The following CCDC6 variants were observed in gnomAD, a reference collection of about 807,000 sequenced individuals.
The protein encoded by CCDC6 is coiled-coil domain containing 6.
Under a neutral mutation model 56.6 loss-of-function variants are expected in CCDC6, and 20 were observed. The observed-to-expected ratio is 0.35, with a 90% confidence interval of 0.25 to 0.51. The LOEUF (loss-of-function observed/expected upper bound fraction) is 0.51, where lower values mean the gene tolerates loss of function less well. CCDC6 is among the 20% of genes least tolerant of loss of function. The pLI is 0.95. For synonymous variants in CCDC6, 241 were observed against 234.4 expected (o/e 1.03, Z -0.26); for missense variants, 367 against 601.1 (o/e 0.61, Z 4.07).
intron 1 of CCDC6, among the ~76,000 whole-genome samples, chr10:59,853,560 A>G (rs1262584800): frequency 6.6e-6 from 1 of 152,142 alleles, no homozygotes; most frequent in Non-Finnish European, 1.5e-5. Flanking sequence ...TAAAAAATAA[A>G]AGGCATTACA....
intron 1 of CCDC6, among the ~76,000 whole-genome samples, chr10:59,889,046 G>A (rs1286401133): frequency 6.6e-6 from 1 of 151,888 alleles, no homozygotes; most frequent in Non-Finnish European, 1.5e-5. Context: ...TGAATATCAG[G>A]GGACCCACGC....
chr10:59,865,852 C>CAAAA (rs777021321), intron 1 of CCDC6, among the ~76,000 whole-genome samples: 37 of 56,960 alleles, frequency 6.5e-4, no homozygotes, highest in South Asian at 1.7e-3. Flanking sequence ...TCCATCTCCA[C>CAAAA]AAAAAAAAAA....
chr10:59,899,966 G>C (rs2071492798), intron 1 of CCDC6, among the ~76,000 whole-genome samples: 1 of 152,196 alleles, frequency 6.6e-6, no homozygotes, highest in Admixed American at 6.5e-5. Flanking sequence ...AGTGTTTGCT[G>C]TTGTGGCAGG....
intron 1 of CCDC6, among the ~76,000 whole-genome samples, chr10:59,883,480 C>T (rs1282378331): frequency 6.6e-6 from 1 of 152,210 alleles, no homozygotes; most frequent in Non-Finnish European, 1.5e-5. Flanking sequence ...CATCATCTCC[C>T]TCTCGCACTG....
At chr10:59,833,937 C>CA (rs1285932632) in intron 2 of CCDC6, among the ~76,000 whole-genome samples, 1 of 152,124 alleles carries the variant, frequency 6.6e-6, no homozygotes, top group Non-Finnish European at 1.5e-5. Flanking sequence ...CCCAGAACCC[C>CA]AAACCAGTGC....
At chr10:59,835,530 C>A (rs1028505514) in intron 2 of CCDC6, among the ~76,000 whole-genome samples, 13 of 152,194 alleles carry the variant, frequency 8.5e-5, no homozygotes, top group African/African-American at 2.9e-4. Context: ...AGTAAGGTCA[C>A]TGGGTTACAC....
At chr10:59,846,424 A>G (rs1331653433) in intron 2 of CCDC6, among the ~76,000 whole-genome samples, 1 of 152,180 alleles carries the variant, frequency 6.6e-6, no homozygotes, top group Non-Finnish European at 1.5e-5. Context: ...TTTTGCCCAC[A>G]ACTTCCTTCC....
chr10:59,827,602 G>A (rs967630996), intron 3 of CCDC6, among the ~76,000 whole-genome samples: 1 of 152,156 alleles, frequency 6.6e-6, no homozygotes, highest in Non-Finnish European at 1.5e-5. Flanking sequence ...ACCCAGGGAA[G>A]TTTCCCTAAA....
chr10:59,892,024 C>T (rs963947077), intron 1 of CCDC6, among the ~76,000 whole-genome samples: 3 of 152,194 alleles, frequency 2.0e-5, no homozygotes, highest in Non-Finnish European at 2.9e-5. Flanking sequence ...CAGGGGTTGT[C>T]CTTCCATCAT....
intron 7 of CCDC6, among the ~76,000 whole-genome samples, chr10:59,797,322 T>C (rs2070529167): frequency 6.6e-6 from 1 of 151,994 alleles, no homozygotes; most frequent in Admixed American, 6.6e-5. Context: ...CAGTTAACAG[T>C]ACTGTATTGT....
In CCDC6 at chr10:59,789,393, C is replaced by T. The variant is rs1440149452; in HGVS notation, c.*3524G>A. ...CTGCTGAGCATTCCAGAAAATGCCC[C>T]CCACGACTTTATGCTAACAGCTGTG... On this transcript the variant is annotated 3_prime_UTR_variant, in exon 9 of 9. Coordinates refer to ENST00000263102, the MANE Select transcript of CCDC6 (RefSeq NM_005436.5). 1 of 230,122 alleles carries T rather than the reference C, an allele frequency of 4.3e-6. No homozygotes were observed. The highest frequency in any genetic ancestry group is 8.6e-6 in the Non-Finnish European group (1 of 116,380). The allele number at this position is 230,122 out of a possible 1,614,324, so 14.3% of individuals were successfully genotyped here. A position where few individuals can be genotyped will look rare whatever the true frequency, so the allele number is the denominator to read the frequency against.
chr10:59,843,352 T>G (rs1232745079), intron 2 of CCDC6, among the ~76,000 whole-genome samples: 3 of 152,196 alleles, frequency 2.0e-5, no homozygotes, highest in Non-Finnish European at 4.4e-5. Flanking sequence ...AGTTACGTTT[T>G]TCTAAGAATT....
In CCDC6 at chr10:59,862,534, C is replaced by T. The variant is rs1282484681; in HGVS notation, c.304-9832G>A. 1.6e-3 allele frequency among the ~76,000 whole-genome samples: 171 copies of T among 106,402 alleles called. 4 individuals carry two copies. The highest frequency in any genetic ancestry group is 7.6e-3 in the African/African-American group (157 of 20,644). The allele number at this position is 106,402 out of a possible 152,430, so 69.8% of individuals were successfully genotyped here. On this transcript the variant is annotated intron_variant, in intron 1 of 8. Coordinates refer to ENST00000263102, the MANE Select transcript of CCDC6 (RefSeq NM_005436.5). ...ATATATATACACACACACACACACA[C>T]ACACACACACACACACACACACATA...
intron 2 of CCDC6, among the ~76,000 whole-genome samples, chr10:59,849,914 C>A (rs2071023674): frequency 6.6e-6 from 1 of 152,196 alleles, no homozygotes; most frequent in Non-Finnish European, 1.5e-5. Flanking sequence ...CAACAAAAGA[C>A]TGGTTGAACC....
intron 1 of CCDC6, among the ~76,000 whole-genome samples, chr10:59,859,199 CGTGTGTGTGTGTGTGTGTGT>C (rs66648240): frequency 7.3e-6 from 1 of 137,260 alleles, no homozygotes; most frequent in African/African-American, 2.7e-5. Context: ...CATGTGTGTG[CGTGTGTGTGTGTGTGTGTGT>C]GTGTGTGTGT....
chr10:59,850,416 G>C (rs796182621), intron 2 of CCDC6, among the ~76,000 whole-genome samples: 13 of 152,118 alleles, frequency 8.5e-5, no homozygotes, highest in African/African-American at 3.1e-4. Context: ...ATTGTCTCAG[G>C]GACATGCTAA....
rs78793167 is a variant in CCDC6 at position 59,824,546 on chromosome 10, G to T, written c.582+7979C>A. ...GCTATAATCAAATTCCCACCAAGCCGACTTCAGGGTTTACTATGATTATGT... is the reference window on the plus strand; with the variant it reads ...GCTATAATCAAATTCCCACCAAGCCTACTTCAGGGTTTACTATGATTATGT... On this transcript the variant is annotated intron_variant, in intron 3 of 8. Coordinates refer to ENST00000263102, the MANE Select transcript of CCDC6 (RefSeq NM_005436.5). 5.6e-3 allele frequency among the ~76,000 whole-genome samples: 849 copies of T among 152,232 alleles called. 10 individuals carry two copies. The highest frequency in any genetic ancestry group is 0.032 in the East Asian group (166 of 5,170).
chr10:59,903,836 A>C (rs923233308), intron 1 of CCDC6, among the ~76,000 whole-genome samples: 1 of 152,178 alleles, frequency 6.6e-6, no homozygotes, highest in Non-Finnish European at 1.5e-5. Flanking sequence ...TGGACTCTAC[A>C]TTCACAGGCC....
In CCDC6 at chr10:59,905,926, C is replaced by T. The variant is rs2071541608; in HGVS notation, c.303+196G>A. Among the ~76,000 whole-genome samples the T allele has an allele frequency of 2.0e-5, 3 of 152,180 alleles. No individual in the cohort carries two copies. In the South Asian group the frequency reaches 6.2e-4, roughly 32 times the overall value. On this transcript the variant is annotated intron_variant, in intron 1 of 8. Transcript: ENST00000263102. ...CACCGCGCAAGGGTCCTCAGACCCC[C>T]GAGGAGGACAGACCCGCGTGGCCCC...
Sources: gnomAD v4.1 joint callset for allele counts (sites outside exome capture counted in the v4.1 genomes callset) on GRCh38, gnomAD v4.1.1 for gene constraint, MANE v1.5 for transcripts, NCBI Gene and HGNC (gene_info 2026-07-23, HGNC 2026-07-21) for gene names.